Variants in ITGA1 observed in about 807,000 individuals in gnomAD.
ITGA1 encodes integrin alpha-1.
Under a neutral mutation model 145.9 loss-of-function variants are expected in ITGA1, and 85 were observed. That is an observed-to-expected ratio of 0.58 (90% CI 0.49 to 0.70). ITGA1 has a LOEUF of 0.70. Among genes scored for constraint, ITGA1 ranks in the 30% least tolerant of loss-of-function variants. The pLI is 0.00. For missense variants in ITGA1, 1,351 were observed against 1,418.7 expected, an observed-to-expected ratio of 0.95 and a Z score of 0.77; for synonymous variants, 520 against 495.3, an observed-to-expected ratio of 1.05 and a Z score of -0.66.
rs376721465 is a variant in ITGA1, at chr5:52,861,441, T to C, written c.183-6T>C. On this transcript the variant is annotated splice_region_variant and splice_polypyrimidine_tract_variant and intron_variant, in intron 2 of 28. Transcript: ENST00000282588. ...AAAAATGTTTACTGATTTATTTAAC[T>C]TCCAGGGTGCTTATTGGTTCTCCGT... 1.3e-6 allele frequency: 2 copies of C among 1,577,922 alleles called. No homozygotes were observed. Among genetic ancestry groups the C allele is most frequent in the Non-Finnish European group, 1.7e-6 (2 of 1,148,664 alleles).
intron 9 of ITGA1, among the ~76,000 whole-genome samples, chr5:52,896,882 G>A (rs1750235075): frequency 1.3e-5 from 2 of 152,138 alleles, no homozygotes; most frequent in African/African-American, 2.4e-5. Context: ...ATCTGTGAGT[G>A]ATACTTACCA....
chr5:52,795,706 C>G (rs935155577), intron 1 of ITGA1, among the ~76,000 whole-genome samples: 5 of 151,866 alleles, frequency 3.3e-5, no homozygotes, highest in Admixed American at 6.6e-5. Context: ...CTTGTTTTGT[C>G]TGATCCAGTT....
At chr5:52,833,861 A>G (rs1434716451) in intron 1 of ITGA1, among the ~76,000 whole-genome samples, 1 of 152,216 alleles carries the variant, frequency 6.6e-6, no homozygotes, top group Non-Finnish European at 1.5e-5. Flanking sequence ...AAGAAAAAGA[A>G]AAAAGAAAAG....
At chr5:52,826,885 T>A (rs1039719138) in intron 1 of ITGA1, among the ~76,000 whole-genome samples, 4 of 152,208 alleles carry the variant, frequency 2.6e-5, no homozygotes, top group African/African-American at 9.7e-5. Flanking sequence ...TGTACAGAGA[T>A]AAATGTTGTT....
At chr5:52,910,123 G>A in intron 13 of ITGA1, 39 bp from the exon 14 acceptor site, 1 of 1,575,162 alleles carries the variant, frequency 6.3e-7, no homozygotes, top group Non-Finnish European at 8.7e-7. Flanking sequence ...CTGTAGTAAT[G>A]ATGGAAATAC....
intron 2 of ITGA1, among the ~76,000 whole-genome samples, chr5:52,860,022 C>T (rs992573071): frequency 2.6e-5 from 4 of 152,124 alleles, no homozygotes; most frequent in Non-Finnish European, 5.9e-5. Context: ...AGTGAGGGCT[C>T]CCACATCCTG....
At chr5:52,929,322 T>C (rs921866201) in intron 20 of ITGA1, among the ~76,000 whole-genome samples, 17 of 152,188 alleles carry the variant, frequency 1.1e-4, no homozygotes, top group African/African-American at 4.1e-4. Context: ...TCTCATCACC[T>C]GCCCAAAGGC....
In ITGA1 at chr5:52,794,099, A is replaced by G. The variant is rs181951062; in HGVS notation, c.61+5685A>G. On this transcript the variant is annotated intron_variant, in intron 1 of 28. Transcript: ENST00000282588. The stretch of plus-strand genomic sequence containing the variant: ...GTTAAAAAAAATCAATTTTATCCAA[A>G]CAGGAGATCCCTATTAACAAGATAA... Among the ~76,000 whole-genome samples, 1,459 of 152,146 alleles carry G rather than the reference A, an allele frequency of 9.6e-3. 11 individuals carry two copies. Among genetic ancestry groups the G allele is most frequent in the Non-Finnish European group, 0.015 (1,009 of 67,870 alleles).
At chr5:52,856,529 C>T (rs1373746042) in intron 2 of ITGA1, among the ~76,000 whole-genome samples, 1 of 152,124 alleles carries the variant, frequency 6.6e-6, no homozygotes, top group Non-Finnish European at 1.5e-5. Flanking sequence ...TGCAACCCAC[C>T]TCATCTTGAC....
intron 7 of ITGA1, among the ~76,000 whole-genome samples, chr5:52,883,893 C>T (rs1273900005): frequency 1.3e-5 from 2 of 152,174 alleles, no homozygotes; most frequent in Admixed American, 1.3e-4. Context: ...AATGTCTAAT[C>T]TTCCAATATT....
intron 6 of ITGA1, among the ~76,000 whole-genome samples, chr5:52,880,364 G>A (rs1455715422): frequency 1.3e-5 from 2 of 152,080 alleles, no homozygotes; most frequent in Non-Finnish European, 2.9e-5. Context: ...TTAAGCATAA[G>A]GACATAATTG....
At chr5:52,811,402 A>AT (rs1561215445) in intron 1 of ITGA1, among the ~76,000 whole-genome samples, 1 of 152,152 alleles carries the variant, frequency 6.6e-6, no homozygotes, top group Non-Finnish European at 1.5e-5. Context: ...ATTGCTTGTT[A>AT]TTTTTGCGAT....
intron 1 of ITGA1, chr5:52,824,794 G>A (rs1187324919): frequency 6.6e-6 from 1 of 151,944 alleles, no homozygotes; most frequent in East Asian, 1.9e-4. Flanking sequence ...AAAGCAAACT[G>A]GATAAATAGT....
intron 1 of ITGA1, among the ~76,000 whole-genome samples, chr5:52,823,693 G>T (rs889804381): frequency 1.4e-4 from 22 of 152,172 alleles, no homozygotes; most frequent in African/African-American, 5.1e-4. Context: ...GCCTGTGGTT[G>T]GCTTTTAAAT....
intron 1 of ITGA1, among the ~76,000 whole-genome samples, chr5:52,820,848 A>G (rs1748868249): frequency 6.6e-6 from 1 of 151,902 alleles, no homozygotes; most frequent in African/African-American, 2.4e-5. Context: ...TGCTGGGAGG[A>G]TATTTGCTAT....
rs1395877641 is a variant in ITGA1 at position 52,958,554 on chromosome 5, C to T, written c.*6103C>T. ...GAACTCAACATTTACTGTTTTATTT[C>T]TGATATTGCCTGCCATTACTCAGGA... On this transcript the variant is annotated 3_prime_UTR_variant, in exon 29 of 29. Coordinates refer to ENST00000282588, the MANE Select transcript of ITGA1 (RefSeq NM_181501.2). The T allele has an allele frequency of 1.3e-5, 2 of 152,162 alleles. No individual in the cohort carries two copies. The allele number at this position is 152,162 out of a possible 1,614,324, so 9.4% of individuals were successfully genotyped here.
chr5:52,857,472 G>GAA (rs550045745), intron 2 of ITGA1, among the ~76,000 whole-genome samples: 154 of 145,208 alleles, frequency 1.1e-3, no homozygotes, highest in African/African-American at 3.6e-3. Flanking sequence ...TCATTGCCCT[G>GAA]AAAAAAAAAA....
rs1748500216 is a variant in ITGA1 at position 52,802,062 on chromosome 5, G to A, written c.61+13648G>A. 3 of 452,554 alleles carry A rather than the reference G, an allele frequency of 6.6e-6. No homozygotes were observed. In the East Asian group the frequency reaches 1.1e-4, roughly 17 times the overall value. 28.0% of individuals were successfully genotyped at this position (452,554 alleles called of 1,614,324 possible). A position where few individuals can be genotyped will look rare whatever the true frequency, so the allele number is the denominator to read the frequency against. On this transcript the variant is annotated intron_variant, in intron 1 of 28. Transcript: ENST00000282588. Reference sequence around the variant, plus strand: ...CACGTACTACCATCTTGATTAAATTGTGTAATTTTTTATAGGAATTATGAG... The same window carrying A: ...CACGTACTACCATCTTGATTAAATTATGTAATTTTTTATAGGAATTATGAG...
At chr5:52,919,410 T>C (rs956598317) in intron 16 of ITGA1, among the ~76,000 whole-genome samples, 3 of 152,184 alleles carry the variant, frequency 2.0e-5, no homozygotes, top group Non-Finnish European at 4.4e-5. Flanking sequence ...TCTGTGTGTG[T>C]GTTCTCAGGT....
Sources: gnomAD v4.1 joint callset for allele counts (sites outside exome capture counted in the v4.1 genomes callset) on GRCh38, gnomAD v4.1.1 for gene constraint, MANE v1.5 for transcripts, NCBI Gene and HGNC (gene_info 2026-07-23, HGNC 2026-07-21) for gene names.